The following TRIM15 variants were observed in gnomAD, a reference collection of about 807,000 sequenced individuals.
TRIM15 encodes tripartite motif containing 15.
In TRIM15, 35 loss-of-function variants were observed where a neutral mutation model predicts 35.8. That is an observed-to-expected ratio of 0.98 (90% confidence interval 0.75 to 1.30). TRIM15 has a LOEUF of 1.30. Ranked by LOEUF, TRIM15 falls within the 50% of genes most tolerant of loss-of-function variation. The probability of loss-of-function intolerance (pLI) is 0.00; values close to 1 mark genes in which losing one functional copy is unlikely to be tolerated. For synonymous variants in TRIM15, 252 were observed against 249.8 expected (o/e 1.01, Z -0.08); for missense variants, 590 against 593.5 (o/e 0.99, Z 0.06).
intron 6 of TRIM15, 111 bp downstream of exon 6, chr6:30,171,119 G>A (rs1173165123): frequency 2.4e-6 from 3 of 1,245,026 alleles, no homozygotes; most frequent in Admixed American, 4.3e-5. Flanking sequence ...TTGAGTTCTC[G>A]ATTCCAGTTC....
At position 30,169,488 on chromosome 6, in the gene TRIM15, C is replaced by A. The variant is rs776353127; in HGVS notation, c.731+225C>A. 1.5e-4 allele frequency: 107 copies of A among 701,398 alleles called. No individual in the cohort carries two copies. The East Asian group carries it at 2.7e-3, about 18-fold the overall frequency. 43.4% of individuals were successfully genotyped at this position (701,398 alleles called of 1,614,324 possible). ...TGGTATTGGGGACACATTTTTTCCC[C>A]TAGAAGTGAAGTTATAAATAATAAT... On this transcript the variant is annotated intron_variant, in intron 4 of 6. Transcript: ENST00000376694.
chr6:30,167,233 G>C lies in TRIM15; in HGVS notation c.439G>C (p.Val147Leu). Residue 147 changes from valine to leucine, a missense_variant, in exon 2 of 7, where the codon GTA (valine) becomes CTA (leucine). Val to Leu is a conservative substitution (Grantham distance 32). Coordinates refer to ENST00000376694, the MANE Select transcript of TRIM15 (RefSeq NM_033229.3). ...CACGGAGAGAGATGAGATTGAGGATGTAAAGTGTCAAGAAGACCAGAAGCT... is the reference window on the plus strand; with the variant it reads ...CACGGAGAGAGATGAGATTGAGGATCTAAAGTGTCAAGAAGACCAGAAGCT... ...LSTERDEIED[V>L]KCQEDQKLQV... is the part of the protein sequence containing the mutation. The C allele has an allele frequency of 6.2e-7, 1 of 1,613,100 alleles. No homozygotes were observed. The highest frequency in any genetic ancestry group is 8.5e-7 in the Non-Finnish European group (1 of 1,180,022).
In TRIM15 at chr6:30,163,785, CCTT is replaced by C. The variant is rs767834918; in HGVS notation, c.104_106del (p.Phe35del). 1 of 1,613,044 alleles carries C rather than the reference CCTT, an allele frequency of 6.2e-7. No homozygotes were observed. Among genetic ancestry groups the C allele is most frequent in the South Asian group, 1.1e-5 (1 of 91,086 alleles). On this transcript the variant is annotated inframe_deletion, in exon 1 of 7. Coordinates refer to ENST00000376694, the MANE Select transcript of TRIM15 (RefSeq NM_033229.3). ...GCGGTGACCATTCCCTGTGGACACA[CCTT>C]CTGCCGGCTCTGCCTCCCCGCGCTC...
In TRIM15 at chr6:30,171,990, G is replaced by C. The variant is rs780405903; in HGVS notation, c.1039G>C (p.Gly347Arg). ...TCTGGGCTTCCCGGGCTTCTCCTCC[G>C]GGCGCCACCGCTGGCAGGTTGACCT... Reference protein sequence around the residue: ...AVLGFPGFSSGRHRWQVDLQL... With the variant: ...AVLGFPGFSSRRHRWQVDLQL... Residue 347 changes from glycine (G) to arginine (R), a missense_variant, in exon 7 of 7, where the codon GGG becomes CGG. Coordinates refer to ENST00000376694, the MANE Select transcript of TRIM15 (RefSeq NM_033229.3). 1 of 1,582,196 alleles carries C rather than the reference G, an allele frequency of 6.3e-7. No homozygotes were observed. Among genetic ancestry groups the C allele is most frequent in the South Asian group, 1.1e-5 (1 of 87,366 alleles).
chr6:30,165,427 A>C (rs1163628354), intron 1 of TRIM15, among the ~76,000 whole-genome samples: 1 of 152,244 alleles, frequency 6.6e-6, no homozygotes. Context: ...TGCAAAGGAC[A>C]TGAACACATC....
chr6:30,172,404 T>C lies in TRIM15; in HGVS notation c.*55T>C. 5 of 1,550,156 alleles carry C rather than the reference T, an allele frequency of 3.2e-6. No homozygotes were observed. The highest frequency in any genetic ancestry group is 4.3e-6 in the Non-Finnish European group (5 of 1,153,202). On this transcript the variant is annotated 3_prime_UTR_variant, in exon 7 of 7. Coordinates refer to ENST00000376694, the MANE Select transcript of TRIM15 (RefSeq NM_033229.3). The stretch of plus-strand genomic sequence containing the variant: ...AGACGGCGGCTCTCCGGGATCCAGC[T>C]CCGCCCCTGGCCAGTGTGCGGCCCG...
rs1773364277 is a variant in TRIM15 at position 30,163,853 on chromosome 6, T to C, written c.169T>C (p.Cys57Arg). 3.7e-6 allele frequency: 6 copies of C among 1,612,918 alleles called. No homozygotes were observed. Among genetic ancestry groups the C allele is most frequent in the Non-Finnish European group, 5.1e-6 (6 of 1,180,036 alleles). Residue 57 changes from cysteine (C) to arginine (R), a missense_variant, in exon 1 of 7, where the codon TGC becomes CGC. Coordinates refer to ENST00000376694, the MANE Select transcript of TRIM15 (RefSeq NM_033229.3). ...GAQSSGKILL[C>R]PLCQEEEQAE... is the part of the protein sequence containing the mutation. ...CCAATCCTCGGGCAAGATCCTGCTC[T>C]GCCCGCTCTGCCAAGAGGAGGAGCA...
intron 4 of TRIM15, 175 bp from the exon 5 acceptor site, chr6:30,170,326 T>G: frequency 1.7e-6 from 1 of 575,584 alleles, no homozygotes. Context: ...TTAACTGAAA[T>G]GCCTACTATT....
At position 30,163,639 on chromosome 6, in the gene TRIM15, C is replaced by T; in HGVS notation, c.-46C>T. The stretch of plus-strand genomic sequence containing the variant: ...CTCGATTTCAGGGAAAGGGAACTCG[C>T]GTGGGCTGAGGAGACCGGAGTGGAC... On this transcript the variant is annotated 5_prime_UTR_variant, in exon 1 of 7. Coordinates refer to ENST00000376694, the MANE Select transcript of TRIM15 (RefSeq NM_033229.3). The T allele has an allele frequency of 6.5e-7, 1 of 1,549,834 alleles. No individual in the cohort carries two copies. Among genetic ancestry groups the T allele is most frequent in the Non-Finnish European group, 8.7e-7 (1 of 1,147,278 alleles).
chr6:30,171,065 A>C (rs1298614309), intron 6 of TRIM15, 57 bp downstream of exon 6: 3 of 1,553,262 alleles, frequency 1.9e-6, no homozygotes. Flanking sequence ...AATCCATGGC[A>C]GCAAACAGAG....
At chr6:30,164,596 G>T (rs1011859964) in intron 1 of TRIM15, among the ~76,000 whole-genome samples, 1 of 152,074 alleles carries the variant, frequency 6.6e-6, no homozygotes, top group East Asian at 1.9e-4. Context: ...TCTCTCTCTT[G>T]TCATCCAGTC....
Position 30,172,219 on chromosome 6 carries a change from C to T in TRIM15, c.1268C>T (p.Ala423Val), listed in dbSNP as rs906646318. The T allele has an allele frequency of 5.0e-6, 8 of 1,611,742 alleles. No individual in the cohort carries two copies. Among genetic ancestry groups the T allele is most frequent in the Non-Finnish European group, 6.8e-6 (8 of 1,179,596 alleles). Residue 423 changes from alanine (A) to valine (V), a missense_variant, in exon 7 of 7, where the codon GCG (alanine) becomes GTG (valine). Ala to Val is a moderately conservative substitution (Grantham distance 64). Transcript: ENST00000376694. ...GTGAGAGTCGCCCTGGACTACGAGG[C>T]GGGGCAGGTGACCCTCCACAACGCC... The part of the protein sequence containing the change: ...RGVRVALDYE[A>V]GQVTLHNAQT...
Position 30,163,785 on chromosome 6 carries a change from C to T in TRIM15, c.101C>T (p.Thr34Ile), listed in dbSNP as rs1019174839. 6.2e-7 allele frequency: 1 copy of T among 1,613,044 alleles called. No individual in the cohort carries two copies. The highest frequency in any genetic ancestry group is 8.5e-7 in the Non-Finnish European group (1 of 1,180,030). Residue 34 changes from threonine to isoleucine, a missense_variant, in exon 1 of 7, where the codon ACC (threonine) becomes ATC (isoleucine). Coordinates refer to ENST00000376694, the MANE Select transcript of TRIM15 (RefSeq NM_033229.3). ...GCGGTGACCATTCCCTGTGGACACA[C>T]CTTCTGCCGGCTCTGCCTCCCCGCG... Reference protein sequence around the residue: ...EDAVTIPCGHTFCRLCLPALS... With the variant: ...EDAVTIPCGHIFCRLCLPALS...
In TRIM15 at chr6:30,163,933, C is replaced by A. The variant is rs752911037; in HGVS notation, c.249C>A (p.Cys83Ter). The A allele has an allele frequency of 1.2e-6, 2 of 1,613,114 alleles. No homozygotes were observed. Among genetic ancestry groups the A allele is most frequent in the Non-Finnish European group, 1.7e-6 (2 of 1,180,040 alleles). The change falls in exon 1 of 7, where the codon TGC (cysteine) becomes TGA (stop). Residue 83 changes from cysteine (C) to a stop codon, truncating the protein, a stop_gained. Transcript: ENST00000376694. LOFTEE classifies it high-confidence loss of function. Reference sequence around the variant, plus strand: ...TGGGCCCGCTGGGAGAAACTTACTGCGAGGAGCACGGCGAGAAGATCTACT... The same window carrying A: ...TGGGCCCGCTGGGAGAAACTTACTGAGAGGAGCACGGCGAGAAGATCTACT... ...VPLGPLGETY[C>*]EEHGEKIYFF...
intron 5 of TRIM15, 37 bp from the exon 6 acceptor site, chr6:30,170,939 A>G: frequency 6.2e-7 from 1 of 1,602,864 alleles, no homozygotes; most frequent in Non-Finnish European, 8.5e-7. Flanking sequence ...AGAAGTAATA[A>G]GTCACAGATC....
Position 30,163,636 on chromosome 6 carries a change from T to A in TRIM15, c.-49T>A. The A allele has an allele frequency of 3.3e-6, 5 of 1,534,324 alleles. No individual in the cohort carries two copies. The highest frequency in any genetic ancestry group is 4.4e-6 in the Non-Finnish European group (5 of 1,140,950). On this transcript the variant is annotated 5_prime_UTR_variant, in exon 1 of 7. Coordinates refer to ENST00000376694, the MANE Select transcript of TRIM15 (RefSeq NM_033229.3). ...TGACTCGATTTCAGGGAAAGGGAAC[T>A]CGCGTGGGCTGAGGAGACCGGAGTG...
intron 6 of TRIM15, 122 bp downstream of exon 6, chr6:30,171,130 T>C: frequency 8.8e-7 from 1 of 1,130,270 alleles, no homozygotes; most frequent in Non-Finnish European, 1.3e-6. Context: ...ATTCCAGTTC[T>C]TGCTAGCTCT....
chr6:30,164,323 G>C (rs41272587), intron 1 of TRIM15, among the ~76,000 whole-genome samples: 20,740 of 152,146 alleles, frequency 0.14, 1,875 homozygotes, highest in East Asian at 0.32. Context: ...TGTAGCCTTG[G>C]CTTCACTCAC....
In TRIM15 at chr6:30,167,192, G is replaced by A. The variant is rs143173321; in HGVS notation, c.398G>A (p.Arg133Gln). 3.6e-4 allele frequency: 584 copies of A among 1,613,022 alleles called. 3 individuals carry two copies. The South Asian group carries it at 5.4e-3, about 15-fold the overall frequency. ...IQPYRDRLRS[R>Q]LEALSTERDE... ...TCCCCACAGGATCGTCTCAGGAGTC[G>A]ACTGGAAGCTCTGAGCACGGAGAGA... The change falls in exon 2 of 7, where the codon CGA becomes CAA. Residue 133 changes from arginine to glutamine, a missense_variant. By Grantham distance (43) the Arg-to-Gln change is conservative (BLOSUM62 1). Transcript: ENST00000376694.
Sources: allele counts gnomAD v4.1 joint callset (sites outside exome capture counted in the v4.1 genomes callset), GRCh38; gene constraint gnomAD v4.1.1; transcripts MANE v1.5; gene names NCBI Gene and HGNC (gene_info 2026-07-23, HGNC 2026-07-21).